Variants in ASTN1 observed in about 807,000 individuals in gnomAD.
The protein encoded by ASTN1 is astrotactin 1.
A neutral mutation model predicts 140.7 loss-of-function variants in ASTN1; 41 were observed. That is an observed-to-expected ratio of 0.29 (90% CI 0.23 to 0.38). The LOEUF is 0.38. Ranked by LOEUF, ASTN1 falls within the 10% of genes least tolerant of loss-of-function variation. The probability of loss-of-function intolerance (pLI) is 1.00; values close to 1 mark genes in which losing one functional copy is unlikely to be tolerated. For synonymous variants in ASTN1, 640 were observed against 652.2 expected (o/e 0.98, Z 0.29); for missense variants, 1,479 against 1,678.8 (o/e 0.88, Z 2.08).
intron 16 of ASTN1, among the ~76,000 whole-genome samples, chr1:176,924,883 CT>C (rs1670889570): frequency 6.6e-6 from 1 of 152,286 alleles, no homozygotes; most frequent in Admixed American, 6.5e-5. Flanking sequence ...TCTTCAAAAA[CT>C]TTCTAGAGGG....
At chr1:176,983,658 T>C (rs185289993) in intron 8 of ASTN1, among the ~76,000 whole-genome samples, 16 of 152,320 alleles carry the variant, frequency 1.1e-4, no homozygotes, top group Admixed American at 5.2e-4. Context: ...CCCAAACTTG[T>C]TCTGATTTGG....
chr1:176,925,053 C>T (rs1670896579), intron 16 of ASTN1, among the ~76,000 whole-genome samples: 1 of 152,148 alleles, frequency 6.6e-6, no homozygotes, highest in African/African-American at 2.4e-5. Context: ...GTTTCCAATT[C>T]CTTCCAGTGC....
intron 16 of ASTN1, among the ~76,000 whole-genome samples, chr1:176,916,314 T>TG (rs1670478890): frequency 6.6e-6 from 1 of 152,258 alleles, no homozygotes. Flanking sequence ...GCTCCAGAGT[T>TG]GGGGGTAGAC....
downstream of ASTN1, among the ~76,000 whole-genome samples, chr1:176,859,524 C>T (rs1010926914): frequency 6.6e-6 from 1 of 152,190 alleles, no homozygotes; most frequent in African/African-American, 2.4e-5. Flanking sequence ...GTGGTTCACA[C>T]CTGTAATCCC....
Position 177,094,973 on chromosome 1 carries a change from G to A in ASTN1, c.284-33708C>T, listed in dbSNP as rs957132045. ...GGTCTCAAATAGAAATGAGAAACATGTTATTGGAAATTGGAAGAAAGGCAA... is the reference window on the plus strand; with the variant it reads ...GGTCTCAAATAGAAATGAGAAACATATTATTGGAAATTGGAAGAAAGGCAA... On this transcript the variant is annotated intron_variant, in intron 1 of 22. Transcript: ENST00000361833. 3.3e-5 allele frequency among the ~76,000 whole-genome samples: 5 copies of A among 152,274 alleles called. No individual in the cohort carries two copies. The South Asian group carries it at 8.3e-4, about 25-fold the overall frequency.
At chr1:177,092,116 C>G (rs1036613447) in intron 1 of ASTN1, among the ~76,000 whole-genome samples, 1 of 152,140 alleles carries the variant, frequency 6.6e-6, no homozygotes, top group Non-Finnish European at 1.5e-5. Flanking sequence ...AAATTCCCAC[C>G]AGCAAGGTAC....
At chr1:177,152,113 T>C (rs559708819) in intron 1 of ASTN1, among the ~76,000 whole-genome samples, 23 of 152,026 alleles carry the variant, frequency 1.5e-4, no homozygotes, top group Non-Finnish European at 2.8e-4. Flanking sequence ...TCAGAATTCA[T>C]ATTTGGGGAA....
At chr1:177,139,724 G>A (rs1468650489) in intron 1 of ASTN1, among the ~76,000 whole-genome samples, 1 of 152,266 alleles carries the variant, frequency 6.6e-6, no homozygotes, top group Admixed American at 6.5e-5. Context: ...AGAGCATCAA[G>A]AGGGTAAGAC....
At chr1:177,003,161 CA>C (rs1422743464) in intron 8 of ASTN1, among the ~76,000 whole-genome samples, 4 of 151,866 alleles carry the variant, frequency 2.6e-5, no homozygotes, top group Non-Finnish European at 4.4e-5. Flanking sequence ...ACCTTGATGC[CA>C]AAGCCAGGAA....
chr1:177,072,187 A>T (rs1678677062), intron 1 of ASTN1, among the ~76,000 whole-genome samples: 1 of 152,204 alleles, frequency 6.6e-6, no homozygotes, highest in Non-Finnish European at 1.5e-5. Flanking sequence ...CAGCTTAATG[A>T]ATTAGGTATA....
intron 15 of ASTN1, chr1:176,935,932 C>T (rs1401773787): frequency 2.7e-6 from 1 of 374,182 alleles, no homozygotes; most frequent in African/African-American, 2.1e-5. Context: ...ATTTGGAATG[C>T]TTAATTCTCT....
chr1:177,006,400 T>C lies in ASTN1; in HGVS notation c.1523+8391A>G, dbSNP rs547437704. 9.3e-5 allele frequency among the ~76,000 whole-genome samples: 14 copies of C among 150,812 alleles called. No individual in the cohort carries two copies. In the South Asian group the frequency reaches 2.9e-3, roughly 32 times the overall value. ...GGATAATGAATGTATTTTTTTCTAT[T>C]GATTAAAAAAAAAAAAGATAAATAG... On this transcript the variant is annotated intron_variant, in intron 8 of 22. Coordinates refer to ENST00000361833, the MANE Select transcript of ASTN1 (RefSeq NM_004319.3).
chr1:176,896,530 A>G (rs559363917), intron 16 of ASTN1, among the ~76,000 whole-genome samples: 3 of 152,142 alleles, frequency 2.0e-5, no homozygotes, highest in South Asian at 2.1e-4. Context: ...CAGGCCCCCA[A>G]TCTTTTTCAA....
At chr1:177,160,403 A>G (rs372782590) in intron 1 of ASTN1, among the ~76,000 whole-genome samples, 44 of 152,360 alleles carry the variant, frequency 2.9e-4, no homozygotes, top group African/African-American at 1.1e-3. Context: ...ACATCTCTGC[A>G]GGCTGATTGA....
chr1:177,161,433 C>T lies in ASTN1; in HGVS notation c.283+2961G>A, dbSNP rs77195257. 2.3e-4 allele frequency among the ~76,000 whole-genome samples: 35 copies of T among 152,306 alleles called. No individual in the cohort carries two copies. In the East Asian group the frequency reaches 4.8e-3, roughly 21 times the overall value. On this transcript the variant is annotated intron_variant, in intron 1 of 22. Transcript: ENST00000361833. ...AGCCTAATCTACCTTTAATTTTGCA[C>T]GTTTGTGAGTGTTTTCTGTTTTAAT...
chr1:177,000,597 G>T (rs1222086532), intron 8 of ASTN1, among the ~76,000 whole-genome samples: 1 of 152,182 alleles, frequency 6.6e-6, no homozygotes, highest in Non-Finnish European at 1.5e-5. Context: ...CAGTAGATGA[G>T]TATATTTTTC....
At chr1:177,136,747 G>A (rs1031916407) in intron 1 of ASTN1, among the ~76,000 whole-genome samples, 2 of 152,118 alleles carry the variant, frequency 1.3e-5, no homozygotes, top group Non-Finnish European at 2.9e-5. Flanking sequence ...TGGTAACTCT[G>A]TTCACCTACC....
rs748348729 is a variant in ASTN1, at chr1:177,023,471, G to A, written c.1371C>T (p.Pro457=). The A allele has an allele frequency of 1.2e-6, 2 of 1,611,962 alleles. No individual in the cohort carries two copies. Among genetic ancestry groups the A allele is most frequent in the South Asian group, 2.2e-5 (2 of 90,682 alleles). The change falls in exon 7 of 23, where the codon CCC becomes CCT. Residue 457 remains proline, a synonymous_variant. Coordinates refer to ENST00000361833, the MANE Select transcript of ASTN1 (RefSeq NM_004319.3). ...VLFSQQNSSG[P]WAMDLCARRL... ...GCCGGGCACAGAGGTCCATGGCCCA[G>A]GGTCCGCTGGAGTTCTGCTGAGAGA...
chr1:177,022,991 T>C (rs1018029102), intron 7 of ASTN1, among the ~76,000 whole-genome samples: 8 of 152,226 alleles, frequency 5.3e-5, no homozygotes, highest in Non-Finnish European at 1.0e-4. Flanking sequence ...ATTTTAAAAG[T>C]GACTTATCCA....
Sources: allele counts gnomAD v4.1 joint callset (sites outside exome capture counted in the v4.1 genomes callset), GRCh38; gene constraint gnomAD v4.1.1; transcripts MANE v1.5; gene names NCBI Gene and HGNC (gene_info 2026-07-23, HGNC 2026-07-21).